PREX1: variants seen among roughly 807,000 people sequenced by gnomAD.
The protein encoded by PREX1 is phosphatidylinositol 3,4,5-trisphosphate-dependent Rac exchanger 1 protein.
A neutral mutation model predicts 198.3 loss-of-function variants in PREX1; 41 were observed. That is an observed-to-expected ratio of 0.21 (90% CI 0.16 to 0.27). PREX1 has a LOEUF of 0.27. PREX1 is among the 10% of genes least tolerant of loss of function. The pLI, the probability that PREX1 is intolerant of heterozygous loss-of-function variation, is 1.00. For missense variants in PREX1, 1,620 were observed against 2,200.7 expected, an observed-to-expected ratio of 0.74 and a Z score of 5.28; for synonymous variants, 843 against 887.2, an observed-to-expected ratio of 0.95 and a Z score of 0.89.
chr20:48,740,276 A>G (rs751194567), intron 3 of PREX1, among the ~76,000 whole-genome samples: 5 of 151,960 alleles, frequency 3.3e-5, no homozygotes, highest in Non-Finnish European at 5.9e-5. Context: ...GCCATGGTGC[A>G]CTCCTCAAAT....
chr20:48,831,028 G>A (rs1483588412), upstream of PREX1, among the ~76,000 whole-genome samples: 4 of 152,074 alleles, frequency 2.6e-5, no homozygotes, highest in Non-Finnish European at 5.9e-5. Context: ...GCTGGTGTAG[G>A]ACTTCATGAT....
At chr20:48,725,215 G>A (rs1168789640) in intron 5 of PREX1, among the ~76,000 whole-genome samples, 1 of 152,212 alleles carries the variant, frequency 6.6e-6, no homozygotes, top group East Asian at 1.9e-4. Context: ...CTGTGAGCAG[G>A]TGCGTGAATG....
intron 5 of PREX1, among the ~76,000 whole-genome samples, chr20:48,709,331 C>T (rs1027411828): frequency 1.3e-5 from 2 of 152,202 alleles, no homozygotes; most frequent in Admixed American, 1.3e-4. Context: ...TCTCTGCTCC[C>T]TCGACGATCC....
intron 1 of PREX1, among the ~76,000 whole-genome samples, chr20:48,781,421 T>C (rs920967277): frequency 6.6e-6 from 1 of 152,214 alleles, no homozygotes; most frequent in Non-Finnish European, 1.5e-5. Flanking sequence ...TAAAGCCCTG[T>C]GCTGACCAAA....
chr20:48,692,863 G>A (rs765370279), intron 7 of PREX1, 73 bp from the exon 8 acceptor site: 63 of 1,288,390 alleles, frequency 4.9e-5, no homozygotes, highest in Non-Finnish European at 6.7e-5. Flanking sequence ...CAGCGCAAAG[G>A]GGAACACAAC....
intron 23 of PREX1, among the ~76,000 whole-genome samples, 177 bp downstream of exon 23, chr20:48,650,717 C>T (rs1366214883): frequency 2.0e-5 from 3 of 152,216 alleles, no homozygotes; most frequent in South Asian, 4.1e-4. Context: ...GCGGAGAGGC[C>T]GCACTGCTAT....
In PREX1 at chr20:48,747,141, C is replaced by T. The variant is rs2046721724; in HGVS notation, c.291+668G>A. Among the ~76,000 whole-genome samples, 3 of 152,118 alleles carry T rather than the reference C, an allele frequency of 2.0e-5. No individual in the cohort carries two copies. In the South Asian group the frequency reaches 6.2e-4, roughly 31 times the overall value. On this transcript the variant is annotated intron_variant, in intron 2 of 39. Coordinates refer to ENST00000371941, the MANE Select transcript of PREX1 (RefSeq NM_020820.4). ...AGGCCACCGTCCAGATTAATCAGGG[C>T]GTTTGGGGGGAATGTCTTCTATGAC...
At position 48,658,193 on chromosome 20, in the gene PREX1, G is replaced by C; in HGVS notation, c.1917C>G (p.Ile639Met). 6.2e-7 allele frequency: 1 copy of C among 1,614,166 alleles called. No homozygotes were observed. The highest frequency in any genetic ancestry group is 1.1e-5 in the South Asian group (1 of 91,076). The change falls in exon 17 of 40, where the codon ATC (isoleucine) becomes ATG (methionine). Residue 639 changes from isoleucine to methionine, a missense_variant. Physicochemically the swap from Ile to Met is conservative, Grantham distance 10. Around this residue, in one of 7 missense-constraint regions of PREX1, gnomAD observed 488 missense variants for 802.5 expected, o/e 0.61. Coordinates refer to ENST00000371941, the MANE Select transcript of PREX1 (RefSeq NM_020820.4). ...LPQEEDYGFD[I>M]EEKNKAVVVK... ...CCACCACAGCCTTGTTCTTCTCCTC[G>C]ATGTCAAAGCCATAGTCCTCCTCCT...
chr20:48,746,404 G>A (rs1276328159), intron 2 of PREX1, among the ~76,000 whole-genome samples: 1 of 152,184 alleles, frequency 6.6e-6, no homozygotes, highest in African/African-American at 2.4e-5. Flanking sequence ...CAGGAGAATG[G>A]GTAAGTAAAC....
chr20:48,846,067 A>G, the PREX1 span, among the ~76,000 whole-genome samples: 1 of 152,216 alleles, frequency 6.6e-6, no homozygotes, highest in South Asian at 2.1e-4. Context: ...TAACTCATTA[A>G]GTCCTCCCAC....
intron 14 of PREX1, among the ~76,000 whole-genome samples, chr20:48,673,194 G>T (rs2089687657): frequency 6.6e-6 from 1 of 152,210 alleles, no homozygotes; most frequent in Middle Eastern, 3.4e-3. Flanking sequence ...CTGCCCATCC[G>T]CTGGAAAGCC....
rs1331506053 is a variant in PREX1, at chr20:48,827,841, C to T, written c.20G>A (p.Ser7Asn). 1.0e-6 allele frequency: 1 copy of T among 988,756 alleles called. No homozygotes were observed. The highest frequency in any genetic ancestry group is 1.2e-6 in the Non-Finnish European group (1 of 833,510). The allele number at this position is 988,756 out of a possible 1,614,324, so 61.2% of individuals were successfully genotyped here. The change falls in exon 1 of 40, where the codon AGC (serine) becomes AAC (asparagine). Residue 7 changes from serine (S) to asparagine (N), a missense_variant. Coordinates refer to ENST00000371941, the MANE Select transcript of PREX1 (RefSeq NM_020820.4). The surrounding 1 kb of genome is among the most constrained non-coding windows in gnomAD (Gnocchi z 4.1). MEAPSGSEPGGDGAGDC... is the reference protein window; with the variant it reads MEAPSGNEPGGDGAGDC... Reference sequence around the variant, plus strand: ...CCCGGCCCCGTCGCCGCCGGGCTCGCTGCCGCTGGGCGCCTCCATTCTAGC... The same window carrying T: ...CCCGGCCCCGTCGCCGCCGGGCTCGTTGCCGCTGGGCGCCTCCATTCTAGC...
In PREX1 at chr20:48,691,502, T is replaced by C. The variant is rs2089819267; in HGVS notation, c.1037-406A>G. 6.6e-6 allele frequency among the ~76,000 whole-genome samples: 1 copy of C among 152,160 alleles called. No individual in the cohort carries two copies. Among genetic ancestry groups the C allele is most frequent in the Non-Finnish European group, 1.5e-5 (1 of 68,018 alleles). On this transcript the variant is annotated intron_variant, in intron 8 of 39. Transcript: ENST00000371941. This position sits in a 1 kb window ranked among gnomAD's most constrained non-coding sequence, Gnocchi z 5.0. The stretch of plus-strand genomic sequence containing the variant: ...CGTGGGACCCTTACCCAGTGCTGGC[T>C]GGGATGGGACCTGGAAAACCTCTCA...
chr20:48,685,779 A>G (rs2089780317), intron 10 of PREX1, among the ~76,000 whole-genome samples: 1 of 152,238 alleles, frequency 6.6e-6, no homozygotes, highest in Admixed American at 6.5e-5. Context: ...ACACACCTGT[A>G]GTCTCAGCTA....
At chr20:48,861,623 G>A in the PREX1 span, among the ~76,000 whole-genome samples, 1 of 152,238 alleles carries the variant, frequency 6.6e-6, no homozygotes, top group African/African-American at 2.4e-5. Flanking sequence ...TTCAGTGACA[G>A]CTGGTTCAGG....
chr20:48,632,506 C>G lies in PREX1; in HGVS notation c.4401G>C (p.Leu1467=). 6.2e-7 allele frequency: 1 copy of G among 1,614,106 alleles called. No individual in the cohort carries two copies. The highest frequency in any genetic ancestry group is 8.5e-7 in the Non-Finnish European group (1 of 1,180,016). Residue 1467 remains leucine, a synonymous_variant, in exon 34 of 40, where the codon CTG becomes CTC. Coordinates refer to ENST00000371941, the MANE Select transcript of PREX1 (RefSeq NM_020820.4). ...GGASLRLHTA[L]FTKVLENVEG... ...AGGCCTGAAGCTCACCTTTCGTGAA[C>G]AGCGCTGTGTGCAGCCTCAGGCTGG... is the stretch of plus-strand genomic sequence containing the variant.
chr20:48,793,432 CAATTAAAA>C (rs2090347208), intron 1 of PREX1, among the ~76,000 whole-genome samples: 1 of 152,144 alleles, frequency 6.6e-6, no homozygotes, highest in African/African-American at 2.4e-5. Flanking sequence ...GAATTATACT[CAATTAAAA>C]AATTAAAAAG....
rs540793682 is a variant in PREX1, at chr20:48,791,737, G to C, written c.219+35905C>G. Among the ~76,000 whole-genome samples, 53 of 152,350 alleles carry C rather than the reference G, an allele frequency of 3.5e-4. 2 individuals carry two copies. Among genetic ancestry groups the C allele is most frequent in the African/African-American group, 1.2e-3 (50 of 41,578 alleles). ...CCAGCAACAAGTCAACCCGGGGGCAGAGTATGCAAACTGGCAACCCACAGG... is the reference window on the plus strand; with the variant it reads ...CCAGCAACAAGTCAACCCGGGGGCACAGTATGCAAACTGGCAACCCACAGG... On this transcript the variant is annotated intron_variant, in intron 1 of 39. Transcript: ENST00000371941.
intron 1 of PREX1, among the ~76,000 whole-genome samples, chr20:48,813,770 T>C (rs563519371): frequency 1.3e-5 from 2 of 152,346 alleles, no homozygotes; most frequent in East Asian, 3.9e-4. Flanking sequence ...ATGTTTGGTT[T>C]TGTGCCTAGA....
Sources: allele counts gnomAD v4.1 joint callset (sites outside exome capture counted in the v4.1 genomes callset), GRCh38; gene constraint gnomAD v4.1.1; regional missense constraint gnomAD v4.1.1; non-coding constraint Gnocchi (gnomAD v3.1); transcripts MANE v1.5; gene names NCBI Gene and HGNC (gene_info 2026-07-23, HGNC 2026-07-21).